The following LRMDA variants were observed in gnomAD, a reference collection of about 807,000 sequenced individuals.
LRMDA encodes the protein leucine rich melanocyte differentiation associated.
LRMDA carries 18 observed loss-of-function variants against 29.8 expected under a neutral mutation model. The observed-to-expected ratio is 0.60, with a 90% CI of 0.42 to 0.90. The LOEUF (loss-of-function observed/expected upper bound fraction) is 0.90. LRMDA is among the 40% of genes least tolerant of loss of function. The pLI is 0.00. For missense variants in LRMDA, 273 were observed against 273.9 expected (o/e 1.00, Z 0.02); for synonymous variants, 125 against 109.4 (o/e 1.14, Z -0.89).
In LRMDA at chr10:76,557,344, C is replaced by A. The variant is rs1394649703; in HGVS notation, c.*56C>A. 1 of 1,408,094 alleles carries A rather than the reference C, an allele frequency of 7.1e-7. No individual in the cohort carries two copies. Among genetic ancestry groups the A allele is most frequent in the South Asian group, 1.2e-5 (1 of 84,100 alleles). 87.2% of individuals were successfully genotyped at this position (1,408,094 alleles called of 1,614,324 possible). On this transcript the variant is annotated 3_prime_UTR_variant, in exon 7 of 7. Transcript: ENST00000611255. The stretch of plus-strand genomic sequence containing the variant: ...ATGAAAATAAAATCAAAAGGGAAAT[C>A]AAAAATAAAGAAAACGCTAAAGAAA...
intron 5 of LRMDA, among the ~76,000 whole-genome samples, chr10:76,223,023 A>AG (rs1163724818): frequency 6.6e-6 from 1 of 151,804 alleles, no homozygotes; most frequent in African/African-American, 2.4e-5. Flanking sequence ...AGAACAAAAA[A>AG]CCAAACACCG....
intron 2 of LRMDA, among the ~76,000 whole-genome samples, chr10:75,919,507 G>T (rs1447542316): frequency 6.6e-6 from 1 of 152,150 alleles, no homozygotes; most frequent in African/African-American, 2.4e-5. Context: ...GTACAGGAAA[G>T]CTCAGCACCT....
intron 5 of LRMDA, among the ~76,000 whole-genome samples, chr10:76,158,010 T>C (rs1010572256): frequency 6.6e-6 from 1 of 152,160 alleles, no homozygotes; most frequent in African/African-American, 2.4e-5. Flanking sequence ...AATACGATAT[T>C]ATAATCCTAT....
intron 6 of LRMDA, among the ~76,000 whole-genome samples, chr10:76,485,883 G>C (rs1842778537): frequency 6.6e-6 from 1 of 151,736 alleles, no homozygotes; most frequent in South Asian, 2.1e-4. Flanking sequence ...GCTTTAGTTT[G>C]GGACTGCTAT....
intron 2 of LRMDA, among the ~76,000 whole-genome samples, chr10:75,994,222 C>A (rs186900316): frequency 6.6e-6 from 1 of 152,310 alleles, no homozygotes; most frequent in East Asian, 1.9e-4. Flanking sequence ...CCAGGTGCTG[C>A]TTCCCACTCT....
intron 2 of LRMDA, among the ~76,000 whole-genome samples, chr10:75,822,149 A>G (rs1564577624): frequency 6.6e-6 from 1 of 152,158 alleles, no homozygotes; most frequent in Non-Finnish European, 1.5e-5. Flanking sequence ...ATGTACAAAA[A>G]CCAGTAGCAT....
intron 2 of LRMDA, among the ~76,000 whole-genome samples, chr10:75,471,140 T>C (rs569548930): frequency 2.6e-5 from 4 of 152,292 alleles, no homozygotes; most frequent in Middle Eastern, 3.4e-3. Flanking sequence ...CTAACTGCCT[T>C]TTTAACAACC....
At chr10:76,131,751 A>T (rs1849997026) in intron 5 of LRMDA, among the ~76,000 whole-genome samples, 3 of 152,038 alleles carry the variant, frequency 2.0e-5, no homozygotes, top group African/African-American at 7.2e-5. Context: ...AAATGTGCTT[A>T]TTAGCCATGC....
intron 6 of LRMDA, among the ~76,000 whole-genome samples, chr10:76,471,927 G>A (rs1028414775): frequency 2.6e-5 from 4 of 151,706 alleles, no homozygotes; most frequent in African/African-American, 4.8e-5. Context: ...CAAAATACAC[G>A]AAGGAAAAAC....
chr10:75,720,966 A>G (rs1481755224), intron 2 of LRMDA, among the ~76,000 whole-genome samples: 1 of 152,214 alleles, frequency 6.6e-6, no homozygotes, highest in Non-Finnish European at 1.5e-5. Context: ...GGGTATTTCA[A>G]ATCATCAGAA....
intron 6 of LRMDA, among the ~76,000 whole-genome samples, chr10:76,411,358 A>G (rs1479961079): frequency 6.6e-6 from 1 of 152,178 alleles, no homozygotes; most frequent in East Asian, 1.9e-4. Flanking sequence ...ATTTGCTGGG[A>G]TCTCAACTTC....
intron 6 of LRMDA, among the ~76,000 whole-genome samples, chr10:76,430,853 C>T (rs1244105815): frequency 6.6e-6 from 1 of 152,164 alleles, no homozygotes; most frequent in African/African-American, 2.4e-5. Flanking sequence ...TCCTCTGCCT[C>T]CACAAATTCA....
intron 2 of LRMDA, among the ~76,000 whole-genome samples, chr10:75,519,591 G>A (rs923443232): frequency 2.0e-5 from 3 of 152,060 alleles, no homozygotes; most frequent in Non-Finnish European, 4.4e-5. Flanking sequence ...CTTGAGATGG[G>A]TCTCCTGAAT....
At chr10:75,792,533 G>T (rs916246583) in intron 2 of LRMDA, among the ~76,000 whole-genome samples, 1 of 152,192 alleles carries the variant, frequency 6.6e-6, no homozygotes, top group African/African-American at 2.4e-5. Flanking sequence ...AAAGTGCTGG[G>T]ATTACAGGTG....
chr10:76,409,402 C>G (rs1434581896), intron 6 of LRMDA, among the ~76,000 whole-genome samples: 2 of 152,154 alleles, frequency 1.3e-5, no homozygotes, highest in Non-Finnish European at 2.9e-5. Flanking sequence ...ATAGCAACCT[C>G]TGGCACAAAT....
chr10:75,747,581 C>T (rs1469012383), intron 2 of LRMDA, among the ~76,000 whole-genome samples: 3 of 152,166 alleles, frequency 2.0e-5, no homozygotes, highest in African/African-American at 7.2e-5. Context: ...TTTGGTCTAA[C>T]TTTTTGTGTG....
chr10:76,435,699 AT>A (rs1466933748), intron 6 of LRMDA, among the ~76,000 whole-genome samples: 1 of 152,288 alleles, frequency 6.6e-6, no homozygotes, highest in East Asian at 1.9e-4. Context: ...CTTCACACAA[AT>A]GTCCCAAGTG....
chr10:75,968,188 C>A (rs1589270776), intron 2 of LRMDA, among the ~76,000 whole-genome samples: 1 of 152,012 alleles, frequency 6.6e-6, no homozygotes, highest in South Asian at 2.1e-4. Context: ...GCCTGTGAAT[C>A]ATGTTAGTGG....
intron 6 of LRMDA, among the ~76,000 whole-genome samples, chr10:76,426,858 G>A (rs201864948): frequency 6.6e-6 from 1 of 152,172 alleles, no homozygotes; most frequent in Non-Finnish European, 1.5e-5. Flanking sequence ...GTTAAATAGG[G>A]AATCCTTTCC....
Sources: allele counts gnomAD v4.1 joint callset (sites outside exome capture counted in the v4.1 genomes callset), GRCh38; gene constraint gnomAD v4.1.1; transcripts MANE v1.5; gene names NCBI Gene and HGNC (gene_info 2026-07-23, HGNC 2026-07-21).